PDE4D: variants seen among roughly 807,000 people sequenced by gnomAD.
PDE4D encodes the protein phosphodiesterase 4D, also known as 3',5'-cyclic-AMP phosphodiesterase 4D.
A neutral mutation model predicts 87.4 loss-of-function variants in PDE4D; 24 were observed. The ratio of observed to expected loss-of-function variants is 0.27; its 90% confidence interval spans 0.20 to 0.39. PDE4D has a LOEUF of 0.39. PDE4D is among the 10% of genes least tolerant of loss of function. The pLI is 1.00. For synonymous variants in PDE4D, 384 were observed against 383.2 expected, an observed-to-expected ratio of 1.00 and a Z score of -0.02; for missense variants, 714 against 1,041.0, an observed-to-expected ratio of 0.69 and a Z score of 4.32.
At chr5:60,108,707 A>G (rs1005692419) in intron 2 of PDE4D, among the ~76,000 whole-genome samples, 3 of 152,244 alleles carry the variant, frequency 2.0e-5, no homozygotes, top group East Asian at 1.9e-4. Context: ...ATAATGCCAC[A>G]TATCTACAAC....
At chr5:59,075,300 C>T (rs545305080) in intron 5 of PDE4D, among the ~76,000 whole-genome samples, 8 of 152,228 alleles carry the variant, frequency 5.3e-5, no homozygotes, top group Admixed American at 4.6e-4. Context: ...CTTTGAAAAA[C>T]TCATTTGATT....
At chr5:59,096,686 A>G (rs1769781856) in intron 5 of PDE4D, among the ~76,000 whole-genome samples, 1 of 152,198 alleles carries the variant, frequency 6.6e-6, no homozygotes. Flanking sequence ...AGTTCTTCTG[A>G]TATCAGGCAT....
At chr5:59,821,661 A>G (rs1769695296) in intron 1 of PDE4D, among the ~76,000 whole-genome samples, 1 of 152,190 alleles carries the variant, frequency 6.6e-6, no homozygotes, top group Admixed American at 6.5e-5. Flanking sequence ...GCACATGTGC[A>G]TTTCAAATAA....
At chr5:59,876,146 A>G (rs1181052674) in intron 1 of PDE4D, among the ~76,000 whole-genome samples, 1 of 152,212 alleles carries the variant, frequency 6.6e-6, no homozygotes, top group Admixed American at 6.5e-5. Context: ...TATATTCTAT[A>G]ACTTTTCTAA....
intron 1 of PDE4D, among the ~76,000 whole-genome samples, chr5:60,394,497 C>A (rs1179805046): frequency 6.6e-6 from 1 of 152,148 alleles, no homozygotes; most frequent in Admixed American, 6.5e-5. Context: ...GTATACATTT[C>A]AATTGCCTAT....
At chr5:59,530,168 T>C (rs1813939318) in intron 1 of PDE4D, among the ~76,000 whole-genome samples, 1 of 152,206 alleles carries the variant, frequency 6.6e-6, no homozygotes, top group African/African-American at 2.4e-5. Context: ...TAGGCCAATA[T>C]TCACCTAGGC....
At chr5:59,656,872 C>T (rs1252950781) in intron 1 of PDE4D, among the ~76,000 whole-genome samples, 1 of 152,120 alleles carries the variant, frequency 6.6e-6, no homozygotes, top group African/African-American at 2.4e-5. Context: ...ATTAACATAG[C>T]AAATGGTCAT....
intron 1 of PDE4D, among the ~76,000 whole-genome samples, chr5:59,798,173 C>T (rs1766703833): frequency 6.6e-6 from 1 of 151,848 alleles, no homozygotes; most frequent in African/African-American, 2.4e-5. Flanking sequence ...GTTGAGGCTG[C>T]AGTGAGCTGT....
intron 1 of PDE4D, chr5:59,586,524 TC>T: frequency 8.5e-7 from 1 of 1,182,662 alleles, no homozygotes; most frequent in Non-Finnish European, 1.1e-6. Context: ...AAAAAAAATC[TC>T]CCCCCACCAA....
chr5:59,472,255 T>C (rs1051768853), intron 1 of PDE4D, among the ~76,000 whole-genome samples: 4 of 152,320 alleles, frequency 2.6e-5, no homozygotes, highest in South Asian at 4.1e-4. Context: ...ACAATCTTAT[T>C]TGAAATCATA....
At chr5:59,020,779 C>T (rs768102980) in intron 6 of PDE4D, among the ~76,000 whole-genome samples, 13 of 152,036 alleles carry the variant, frequency 8.6e-5, no homozygotes, top group Non-Finnish European at 1.9e-4. Context: ...GAACAATTAC[C>T]TGCAAAATGA....
chr5:59,181,983 T>C (rs1336426218), intron 4 of PDE4D, among the ~76,000 whole-genome samples: 1 of 152,120 alleles, frequency 6.6e-6, no homozygotes, highest in African/African-American at 2.4e-5. Flanking sequence ...GCCTGGGATT[T>C]TGTAAATTCT....
At chr5:59,039,639 C>G in intron 5 of PDE4D, 1 of 419,142 alleles carries the variant, frequency 2.4e-6, no homozygotes. Flanking sequence ...CTCCTCAACC[C>G]CCTTACGAAA....
intron 2 of PDE4D, among the ~76,000 whole-genome samples, chr5:59,998,718 T>A (rs1247346245): frequency 6.6e-6 from 1 of 152,104 alleles, no homozygotes; most frequent in East Asian, 1.9e-4. Flanking sequence ...CTCTAATACA[T>A]ATAAAATTTT....
chr5:60,047,218 C>A (rs1429461842), intron 2 of PDE4D, among the ~76,000 whole-genome samples: 2 of 152,254 alleles, frequency 1.3e-5, no homozygotes, highest in African/African-American at 4.8e-5. Flanking sequence ...GTGATATCCC[C>A]TTTATCATTT....
chr5:59,203,163 G>A (rs576214531), intron 2 of PDE4D, among the ~76,000 whole-genome samples: 36 of 152,108 alleles, frequency 2.4e-4, no homozygotes, highest in African/African-American at 3.4e-4. Context: ...GGGCAACATC[G>A]TGAGACACCT....
chr5:60,066,013 G>C (rs1772037643), intron 2 of PDE4D, among the ~76,000 whole-genome samples: 1 of 152,180 alleles, frequency 6.6e-6, no homozygotes, highest in Non-Finnish European at 1.5e-5. Flanking sequence ...TCACCACACT[G>C]ACTTCCACAA....
At chr5:60,130,747 CTAAA>C (rs1173762836) in intron 2 of PDE4D, among the ~76,000 whole-genome samples, 6 of 152,056 alleles carry the variant, frequency 3.9e-5, no homozygotes, top group African/African-American at 1.4e-4. Context: ...AGTGGTTTGG[CTAAA>C]TAGAGTCAAG....
chr5:59,515,738 T>A (rs1378049211), intron 1 of PDE4D, among the ~76,000 whole-genome samples: 1 of 152,150 alleles, frequency 6.6e-6, no homozygotes, highest in African/African-American at 2.4e-5. Context: ...ATGTATAAGA[T>A]CTTCGTAACA....
Sources: gnomAD v4.1 joint callset for allele counts (sites outside exome capture counted in the v4.1 genomes callset) on GRCh38, gnomAD v4.1.1 for gene constraint, MANE v1.5 for transcripts, NCBI Gene and HGNC (gene_info 2026-07-23, HGNC 2026-07-21) for gene names.